Variants in CD163L1 observed in about 807,000 individuals in gnomAD.
CD163L1 encodes the protein CD163 molecule like 1.
Under a neutral mutation model 165.4 loss-of-function variants are expected in CD163L1, and 124 were observed. The observed-to-expected ratio is 0.75, with a 90% confidence interval of 0.65 to 0.87. The LOEUF is 0.87. CD163L1 is among the 40% of genes least tolerant of loss of function. CD163L1 has a pLI of 0.00. For missense variants in CD163L1, 1,525 were observed against 1,799.9 expected, an observed-to-expected ratio of 0.85 and a Z score of 2.76; for synonymous variants, 585 against 662.2, an observed-to-expected ratio of 0.88 and a Z score of 1.79.
intron 2 of CD163L1, among the ~76,000 whole-genome samples, chr12:7,433,985 G>C (rs2136636444): frequency 6.6e-6 from 1 of 152,208 alleles, no homozygotes; most frequent in Admixed American, 6.5e-5. Flanking sequence ...CCACAGAAAA[G>C]GTAAGGTTTG....
chr12:7,413,562 T>C lies in CD163L1; in HGVS notation c.767-6710A>G, dbSNP rs555183230. Among the ~76,000 whole-genome samples, 3 of 152,320 alleles carry C rather than the reference T, an allele frequency of 2.0e-5. No individual in the cohort carries two copies. In the South Asian group the frequency reaches 6.2e-4, roughly 32 times the overall value. ...TAGCTAATATTTACCCCCATCAATC[T>C]ATGCATCTCGCCCCTGGGCAGTGCC... On this transcript the variant is annotated intron_variant, in intron 4 of 19. Coordinates refer to ENST00000313599, the MANE Select transcript of CD163L1 (RefSeq NM_174941.6).
chr12:7,388,924 C>A (rs1030943999), intron 8 of CD163L1, among the ~76,000 whole-genome samples: 1 of 152,152 alleles, frequency 6.6e-6, no homozygotes, highest in African/African-American at 2.4e-5. Flanking sequence ...CATGTTGTTG[C>A]AAATCATTGA....
At position 7,398,517 on chromosome 12, in the gene CD163L1, T is replaced by A; in HGVS notation, c.1476A>T (p.Lys492Asn). The A allele has an allele frequency of 6.2e-7, 1 of 1,613,442 alleles. No individual in the cohort carries two copies. The highest frequency in any genetic ancestry group is 8.5e-7 in the Non-Finnish European group (1 of 1,179,638). ...ACACAGTCCCCCACTCTCCTTGGTA[T>A]TTCACCTCCAATCTCCCATAACAGG... ...HSPCYGRLEV[K>N]YQGEWGTVCH... is the part of the protein sequence containing the mutation. Residue 492 changes from lysine (K) to asparagine (N), a missense_variant, in exon 7 of 20, where the codon AAA (lysine) becomes AAT (asparagine). By Grantham distance (94) the Lys-to-Asn change is moderately conservative. Transcript: ENST00000313599. This position sits in a 1 kb window ranked among gnomAD's most constrained non-coding sequence, Gnocchi z 4.5.
chr12:7,328,299 C>A, the CD163L1 span: 1 of 1,586,008 alleles, frequency 6.3e-7, no homozygotes, highest in South Asian at 1.2e-5. Context: ...GGAATTTGTT[C>A]AAGAACTCCC....
chr12:7,396,770 C>T lies in CD163L1; in HGVS notation c.1730-355G>A, dbSNP rs775493890. 3.3e-5 allele frequency among the ~76,000 whole-genome samples: 5 copies of T among 152,060 alleles called. No homozygotes were observed. The East Asian group carries it at 5.8e-4, about 18-fold the overall frequency. ...CTTCAGATTTTGGACTTGCAAGCCC[C>T]GATAATTGCTTATAAAATTGATGAA... On this transcript the variant is annotated intron_variant, in intron 7 of 19. Transcript: ENST00000313599.
chr12:7,377,541 T>C (rs909128619), intron 9 of CD163L1, among the ~76,000 whole-genome samples: 3 of 152,214 alleles, frequency 2.0e-5, no homozygotes, highest in African/African-American at 7.2e-5. Flanking sequence ...TCTATGCCTA[T>C]TATCCCAACA....
At chr12:7,328,556 T>A in the CD163L1 span, 27 of 376,040 alleles carry the variant, frequency 7.2e-5, no homozygotes, top group Non-Finnish European at 8.7e-5. Flanking sequence ...CTCAAAAACG[T>A]ATGGATGAAA....
intron 2 of CD163L1, among the ~76,000 whole-genome samples, chr12:7,436,728 T>G (rs1042338440): frequency 6.6e-6 from 1 of 152,022 alleles, no homozygotes; most frequent in African/African-American, 2.4e-5. Flanking sequence ...ACAATAAAAT[T>G]TTATTTAAAC....
chr12:7,333,582 T>C, the CD163L1 span, among the ~76,000 whole-genome samples: 2 of 151,948 alleles, frequency 1.3e-5, no homozygotes, highest in Non-Finnish European at 2.9e-5. Context: ...TTAAAAGAAC[T>C]AGAAAAGCAA....
In CD163L1 at chr12:7,391,208, C is replaced by T. The variant is rs778081531; in HGVS notation, c.2050+4887G>A. ...AAGGATAACCACACCAAAACCTCATCTGTAGGTCACCAACATCGAAGACCA... is the reference window on the plus strand; with the variant it reads ...AAGGATAACCACACCAAAACCTCATTTGTAGGTCACCAACATCGAAGACCA... On this transcript the variant is annotated intron_variant, in intron 8 of 19. Transcript: ENST00000313599. Among the ~76,000 whole-genome samples, 9 of 152,278 alleles carry T rather than the reference C, an allele frequency of 5.9e-5. No homozygotes were observed. In the East Asian group the frequency reaches 1.7e-3, roughly 29 times the overall value.
intron 8 of CD163L1, among the ~76,000 whole-genome samples, chr12:7,385,820 A>C (rs1472413847): frequency 6.6e-6 from 1 of 152,050 alleles, no homozygotes; most frequent in Non-Finnish European, 1.5e-5. Context: ...TGAAAATAGA[A>C]ACACAACATA....
At chr12:7,342,532 C>T (rs1946644205), downstream of CD163L1, among the ~76,000 whole-genome samples, 1 of 152,208 alleles carries the variant, frequency 6.6e-6, no homozygotes, top group Non-Finnish European at 1.5e-5. Context: ...TCCCACTCCA[C>T]ACCTCTATAT....
chr12:7,373,136 C>A (rs1947177833), intron 14 of CD163L1, among the ~76,000 whole-genome samples, 184 bp downstream of exon 14: 1 of 152,146 alleles, frequency 6.6e-6, no homozygotes, highest in African/African-American at 2.4e-5. Context: ...TTTTTAAATA[C>A]CCTGTAAAAT....
chr12:7,339,269 G>T, the CD163L1 span, among the ~76,000 whole-genome samples: 1 of 152,116 alleles, frequency 6.6e-6, no homozygotes, highest in Non-Finnish European at 1.5e-5. Context: ...GCATAAGAAA[G>T]TATCTTGGGC....
intron 4 of CD163L1, among the ~76,000 whole-genome samples, chr12:7,416,203 G>T (rs1441068702): frequency 2.0e-5 from 3 of 152,060 alleles, no homozygotes; most frequent in South Asian, 2.1e-4. Context: ...TCATATGTTT[G>T]TTGGCCACAT....
Position 7,369,232 on chromosome 12 carries a change from A to G in CD163L1, c.4039+125T>C. On this transcript the variant is annotated intron_variant, in intron 15 of 19. Coordinates refer to ENST00000313599, the MANE Select transcript of CD163L1 (RefSeq NM_174941.6). This position sits in a 1 kb window ranked among gnomAD's most constrained non-coding sequence, Gnocchi z 4.9. ...AGTTGTGGAAAAACGTTAGTTTAAC[A>G]TAGCCTTTCATTCTTCAACAAGAAA... 1 of 1,106,876 alleles carries G rather than the reference A, an allele frequency of 9.0e-7. No individual in the cohort carries two copies. The highest frequency in any genetic ancestry group is 1.3e-6 in the Non-Finnish European group (1 of 766,786). 68.6% of individuals were successfully genotyped at this position (1,106,876 alleles called of 1,614,324 possible).
downstream of CD163L1, among the ~76,000 whole-genome samples, chr12:7,354,494 A>C (rs1946736891): frequency 6.6e-6 from 1 of 152,188 alleles, no homozygotes; most frequent in African/African-American, 2.4e-5. Context: ...TTGAACTACA[A>C]GAACAGCCAT....
the CD163L1 span, among the ~76,000 whole-genome samples, chr12:7,333,662 G>C: frequency 6.6e-6 from 1 of 152,176 alleles, no homozygotes; most frequent in African/African-American, 2.4e-5. Flanking sequence ...GAAGGAGATA[G>C]AGACTCAAAA....
At position 7,405,039 on chromosome 12, in the gene CD163L1, G is replaced by A. The variant is rs78239955; in HGVS notation, c.1088-1184C>T. 7.9e-5 allele frequency among the ~76,000 whole-genome samples: 12 copies of A among 152,230 alleles called. No individual in the cohort carries two copies. The East Asian group carries it at 2.1e-3, about 27-fold the overall frequency. On this transcript the variant is annotated intron_variant, in intron 5 of 19. Transcript: ENST00000313599. ...AATGTATCTAACTACCCATTTTCCT[G>A]TGGGTTGGCCATACACATCTGTTTT...
Sources: gnomAD v4.1 joint callset for allele counts (sites outside exome capture counted in the v4.1 genomes callset) on GRCh38, gnomAD v4.1.1 for gene constraint, Gnocchi (gnomAD v3.1) non-coding constraint, MANE v1.5 for transcripts, NCBI Gene and HGNC (gene_info 2026-07-23, HGNC 2026-07-21) for gene names.